Variants in PKD2L2 observed in about 807,000 individuals in gnomAD.
PKD2L2 encodes polycystin 2 like 2, transient receptor potential cation channel.
In PKD2L2, 67 loss-of-function variants were observed where a neutral mutation model predicts 83.9. The observed-to-expected ratio is 0.80, with a 90% confidence interval of 0.66 to 0.98. The LOEUF (loss-of-function observed/expected upper bound fraction) is 0.98. Among genes scored for constraint, PKD2L2 ranks in the 50% least tolerant of loss-of-function variants. The pLI is 0.00. For missense variants in PKD2L2, 632 were observed against 717.2 expected, an observed-to-expected ratio of 0.88 and a Z score of 1.36; for synonymous variants, 223 against 237.8, an observed-to-expected ratio of 0.94 and a Z score of 0.57.
At chr5:137,939,798 A>T in intron 14 of PKD2L2, 7 of 1,172,548 alleles carry the variant, frequency 6.0e-6, no homozygotes, top group Non-Finnish European at 7.4e-6. Context: ...ATTTTCAGTC[A>T]TTCTGTAAGA....
At chr5:137,917,210 G>C (rs146733276) in intron 8 of PKD2L2, among the ~76,000 whole-genome samples, 1 of 148,524 alleles carries the variant, frequency 6.7e-6, no homozygotes, top group Non-Finnish European at 1.5e-5. Context: ...TCTCACCCAG[G>C]CTGGAGTGCA....
At chr5:137,900,519 GC>G (rs1193982520) in intron 5 of PKD2L2, among the ~76,000 whole-genome samples, 3 of 152,152 alleles carry the variant, frequency 2.0e-5, no homozygotes, top group African/African-American at 7.2e-5. Context: ...AGCTGCAGTT[GC>G]CCACGATTTC....
intron 4 of PKD2L2, among the ~76,000 whole-genome samples, chr5:137,895,750 C>A (rs1012666252): frequency 1.3e-5 from 2 of 149,220 alleles, no homozygotes; most frequent in Admixed American, 6.7e-5. Context: ...TGGTAGCAAG[C>A]ACCTGTAGTC....
At chr5:137,911,058 A>T (rs566385151) in intron 8 of PKD2L2, among the ~76,000 whole-genome samples, 165 of 152,322 alleles carry the variant, frequency 1.1e-3, no homozygotes, top group African/African-American at 3.7e-3. Context: ...CATCACCACC[A>T]TCTATCTCCA....
At chr5:137,915,849 CT>C (rs1250857198) in intron 8 of PKD2L2, among the ~76,000 whole-genome samples, 1 of 151,992 alleles carries the variant, frequency 6.6e-6, no homozygotes, top group African/African-American at 2.4e-5. Context: ...ATGTATTTAC[CT>C]TTACTAAGAA....
Position 137,894,294 on chromosome 5 carries a change from A to C in PKD2L2, c.268-59A>C, listed in dbSNP as rs1032061779. 5.0e-6 allele frequency: 7 copies of C among 1,395,428 alleles called. No homozygotes were observed. In the African/African-American group the frequency reaches 1.0e-4, roughly 20 times the overall value. 86.4% of individuals were successfully genotyped at this position (1,395,428 alleles called of 1,614,324 possible). A position where few individuals can be genotyped will look rare whatever the true frequency, so the allele number is the denominator to read the frequency against. On this transcript the variant is annotated intron_variant, in intron 3 of 14. Coordinates refer to ENST00000508883, the MANE Select transcript of PKD2L2 (RefSeq NM_001300921.2). ...AAATCTCTTATGCATAATGTTATGA[A>C]TGTAGATTCTGTTGACATGAAAATA...
intron 8 of PKD2L2, among the ~76,000 whole-genome samples, chr5:137,909,380 T>C (rs983388148): frequency 5.9e-5 from 9 of 152,166 alleles, no homozygotes; most frequent in Non-Finnish European, 1.2e-4. Flanking sequence ...GGATTTGACA[T>C]TGAAGGAGCC....
rs199811115 is a variant in PKD2L2 at position 137,925,058 on chromosome 5, G to A, written c.1570G>A (p.Glu524Lys). Residue 524 changes from glutamate (E) to lysine (K), a missense_variant, in exon 11 of 15, where the codon GAG becomes AAG. Glu to Lys is a moderately conservative substitution (Grantham distance 56, BLOSUM62 1). Coordinates refer to ENST00000508883, the MANE Select transcript of PKD2L2 (RefSeq NM_001300921.2). ...TGCCCAGAGTTACAAAAATGTTCTC[G>A]AGAAATTCAGACTGAAGAAAGCTCA... ...MIKQSYKNVLEKFRLKKAQKD... is the reference protein window; with the variant it reads ...MIKQSYKNVLKKFRLKKAQKD... 2.0e-4 allele frequency: 319 copies of A among 1,601,192 alleles called. No individual in the cohort carries two copies. Among genetic ancestry groups the A allele is most frequent in the Non-Finnish European group, 2.4e-4 (284 of 1,168,820 alleles).
chr5:137,889,526 A>AG lies in PKD2L2; in HGVS notation c.31+8dup, dbSNP rs1165089617. On this transcript the variant is annotated splice_donor_region_variant and intron_variant, in intron 1 of 14. Transcript: ENST00000508883. The stretch of plus-strand genomic sequence containing the variant: ...GCGTCACGGTGGCACCGAGGCGGTG[A>AG]GGGGTCCTCTTAAGGAGTGGGAGGG... The AG allele has an allele frequency of 6.4e-7, 1 of 1,552,252 alleles. No individual in the cohort carries two copies.
Position 137,935,806 on chromosome 5 carries a change from A to C in PKD2L2, c.1681A>C (p.Asn561His). 3.1e-6 allele frequency: 5 copies of C among 1,595,072 alleles called. No individual in the cohort carries two copies. In the South Asian group the frequency reaches 5.5e-5, roughly 18 times the overall value. Residue 561 changes from asparagine (N) to histidine (H), a missense_variant, in exon 13 of 15, where the codon AAC becomes CAC. By Grantham distance (68) the Asn-to-His change is moderately conservative. Coordinates refer to ENST00000508883, the MANE Select transcript of PKD2L2 (RefSeq NM_001300921.2). ...TCCTCTACCCTGACAGGAGATTCAA[A>C]ACGCAGAGCAGATGAAAAAATGGAA... ...REGFDENEIQNAEQMKKWKER... is the reference protein window; with the variant it reads ...REGFDENEIQHAEQMKKWKER...
intron 10 of PKD2L2, among the ~76,000 whole-genome samples, chr5:137,924,145 T>C (rs1264796759): frequency 1.3e-5 from 2 of 152,256 alleles, no homozygotes; most frequent in African/African-American, 4.8e-5. Context: ...TAACATTTCC[T>C]GACTATTCTA....
chr5:137,908,928 C>T lies in PKD2L2; in HGVS notation c.1310C>T (p.Ser437Phe), dbSNP rs560141358. 9.4e-5 allele frequency: 151 copies of T among 1,601,958 alleles called. 1 individual carries two copies. The South Asian group carries it at 1.3e-3, about 14-fold the overall frequency. ...TTTGGATCACAAGTTGATGACTTTTCCACTTTTCAGAATTCCATGTAAGCT... is the reference window on the plus strand; with the variant it reads ...TTTGGATCACAAGTTGATGACTTTTTCACTTTTCAGAATTCCATGTAAGCT... ...LVFGSQVDDF[S>F]TFQNSIFAQF... The change falls in exon 8 of 15, where the codon TCC becomes TTC. Residue 437 changes from serine (S) to phenylalanine (F), a missense_variant. Coordinates refer to ENST00000508883, the MANE Select transcript of PKD2L2 (RefSeq NM_001300921.2).
chr5:137,914,328 T>C (rs1758131097), intron 8 of PKD2L2, among the ~76,000 whole-genome samples: 1 of 152,090 alleles, frequency 6.6e-6, no homozygotes, highest in Non-Finnish European at 1.5e-5. Context: ...AAATGCGCAT[T>C]GGAGCATTCT....
chr5:137,900,353 C>T (rs1756849530), intron 5 of PKD2L2, among the ~76,000 whole-genome samples: 2 of 152,090 alleles, frequency 1.3e-5, no homozygotes, highest in Admixed American at 6.6e-5. Context: ...TGTTTTTTAT[C>T]GTATTTAGTG....
intron 5 of PKD2L2, among the ~76,000 whole-genome samples, chr5:137,905,160 T>G (rs1757265473): frequency 6.6e-6 from 1 of 152,242 alleles, no homozygotes; most frequent in Non-Finnish European, 1.5e-5. Context: ...ATTTCCTCTC[T>G]GAAAGTTTTA....
chr5:137,936,671 C>A (rs576195695), intron 14 of PKD2L2, among the ~76,000 whole-genome samples: 1 of 152,146 alleles, frequency 6.6e-6, no homozygotes, highest in Non-Finnish European at 1.5e-5. Flanking sequence ...CAGCCAGGAT[C>A]GTCTCGATCT....
In PKD2L2 at chr5:137,907,775, T is replaced by C; in HGVS notation, c.1009T>C (p.Tyr337His). The change falls in exon 7 of 15, where the codon TAT becomes CAT. Residue 337 changes from tyrosine (Y) to histidine (H), a missense_variant. Physicochemically the swap from Tyr to His is moderately conservative, Grantham distance 83. Coordinates refer to ENST00000508883, the MANE Select transcript of PKD2L2 (RefSeq NM_001300921.2). ...CFVAVSFNTY[Y>H]NVQIFLLLGQ... The stretch of plus-strand genomic sequence containing the variant: ...TGTGGCTGTTTCCTTCAACACATAC[T>C]ATAATGTACAAATTTTTCTCTTACT... 1 of 1,577,200 alleles carries C rather than the reference T, an allele frequency of 6.3e-7. No homozygotes were observed. The highest frequency in any genetic ancestry group is 8.6e-7 in the Non-Finnish European group (1 of 1,161,026).
chr5:137,902,079 A>C (rs997188708), intron 5 of PKD2L2, among the ~76,000 whole-genome samples: 1 of 152,160 alleles, frequency 6.6e-6, no homozygotes. Flanking sequence ...ACCACACCAG[A>C]GGAATTAACC....
intron 14 of PKD2L2, chr5:137,940,197 T>A: frequency 6.2e-7 from 1 of 1,613,948 alleles, no homozygotes; most frequent in Non-Finnish European, 8.5e-7. Flanking sequence ...CAACTGACTT[T>A]ATGATATGAA....
Sources: allele counts gnomAD v4.1 joint callset (sites outside exome capture counted in the v4.1 genomes callset), GRCh38; gene constraint gnomAD v4.1.1; transcripts MANE v1.5; gene names NCBI Gene and HGNC (gene_info 2026-07-23, HGNC 2026-07-21).